ADAMTS12: variants seen among roughly 807,000 people sequenced by gnomAD.
The protein encoded by ADAMTS12 is ADAM metallopeptidase with thrombospondin type 1 motif 12.
ADAMTS12 carries 118 observed loss-of-function variants against 167.8 expected under a neutral mutation model. The observed-to-expected ratio is 0.70, with a 90% CI of 0.61 to 0.82. ADAMTS12 has a LOEUF of 0.82. Ranked by LOEUF, ADAMTS12 falls within the 40% of genes least tolerant of loss-of-function variation. The pLI is 0.00. For synonymous variants in ADAMTS12, 704 were observed against 716.9 expected, an observed-to-expected ratio of 0.98 and a Z score of 0.29; for missense variants, 1,916 against 1,998.8, an observed-to-expected ratio of 0.96 and a Z score of 0.79.
At chr5:33,575,940 T>C in intron 19 of ADAMTS12, 114 bp downstream of exon 19, 1 of 1,443,448 alleles carries the variant, frequency 6.9e-7, no homozygotes. Context: ...TGCTTCCTTT[T>C]GTTTTCACAA....
At chr5:33,753,427 G>A (rs764561559) in intron 2 of ADAMTS12, among the ~76,000 whole-genome samples, 4 of 152,148 alleles carry the variant, frequency 2.6e-5, no homozygotes, top group Admixed American at 1.3e-4. Flanking sequence ...ATTTGGTTCC[G>A]TTTCTCCTCT....
At chr5:33,595,117 TTTC>T (rs547475634) in intron 17 of ADAMTS12, among the ~76,000 whole-genome samples, 53 of 152,232 alleles carry the variant, frequency 3.5e-4, no homozygotes, top group African/African-American at 1.2e-3. Context: ...CCCTCCCTCT[TTTC>T]TTCTTCTCCT....
intron 2 of ADAMTS12, among the ~76,000 whole-genome samples, chr5:33,860,338 A>C (rs1289354627): frequency 6.6e-6 from 1 of 152,222 alleles, no homozygotes; most frequent in Non-Finnish European, 1.5e-5. Context: ...TGGAGCTGAA[A>C]AACACAGCAC....
rs150150131 is a variant in ADAMTS12, at chr5:33,749,775, C to T, written c.634+1629G>A. On this transcript the variant is annotated intron_variant, in intron 3 of 23. Coordinates refer to ENST00000504830, the MANE Select transcript of ADAMTS12 (RefSeq NM_030955.4). ...ATAGGGGGCCATGATAGTTGTAAAC[C>T]CCACTCTTTTCTTATCCATCCCTTC... Among the ~76,000 whole-genome samples, 700 of 152,182 alleles carry T rather than the reference C, an allele frequency of 4.6e-3. 6 individuals carry two copies. The highest frequency in any genetic ancestry group is 0.016 in the African/African-American group (658 of 41,512).
chr5:33,530,731 C>T (rs759256997), intron 23 of ADAMTS12, among the ~76,000 whole-genome samples: 11 of 152,172 alleles, frequency 7.2e-5, no homozygotes, highest in Admixed American at 3.3e-4. Context: ...ATTACACACT[C>T]GGGCACGGCA....
intron 2 of ADAMTS12, among the ~76,000 whole-genome samples, chr5:33,835,346 A>G (rs1234290197): frequency 6.6e-6 from 1 of 152,254 alleles, no homozygotes; most frequent in Non-Finnish European, 1.5e-5. Flanking sequence ...GCACCAGGTA[A>G]AGACTTGTTA....
rs551442190 is a variant in ADAMTS12 at position 33,748,458 on chromosome 5, C to A, written c.634+2946G>T. 6.4e-4 allele frequency among the ~76,000 whole-genome samples: 97 copies of A among 151,994 alleles called. 1 individual carries two copies. The highest frequency in any genetic ancestry group is 3.4e-3 in the Middle Eastern group (1 of 294). On this transcript the variant is annotated intron_variant, in intron 3 of 23. Transcript: ENST00000504830. Reference sequence around the variant, plus strand: ...AAAACATAGTTAAAATTGAGAAAATCAAAAACAAAATAGCATCACATTAAA... The same window carrying A: ...AAAACATAGTTAAAATTGAGAAAATAAAAAACAAAATAGCATCACATTAAA...
chr5:33,576,120 G>T lies in ADAMTS12; in HGVS notation c.3906C>A (p.Ala1302=), dbSNP rs374664813. ...CGTTTGTGAGCTGCTTGTAATTGGA[G>T]GCATTTAGCAAAAAGCCCTCAGTAA... The part of the protein sequence containing the change: ...SLITEGFLLN[A]SNYKQLTNGH... The change falls in exon 19 of 24, where the codon GCC becomes GCA. Residue 1302 remains alanine (A), a synonymous_variant. Transcript: ENST00000504830. 16 of 1,613,958 alleles carry T rather than the reference G, an allele frequency of 9.9e-6. No homozygotes were observed. Among genetic ancestry groups the T allele is most frequent in the Admixed American group, 1.7e-5 (1 of 59,988 alleles).
chr5:33,876,410 T>G (rs1750227854), intron 2 of ADAMTS12, among the ~76,000 whole-genome samples: 1 of 152,220 alleles, frequency 6.6e-6, no homozygotes. Flanking sequence ...GCTACAGTTA[T>G]GAAGACTGTG....
chr5:33,775,251 G>A, intron 2 of ADAMTS12, among the ~76,000 whole-genome samples: 1 of 152,106 alleles, frequency 6.6e-6, no homozygotes, highest in Non-Finnish European at 1.5e-5. Flanking sequence ...TTTTTGAAGA[G>A]TAATAATTAA....
At chr5:33,769,891 T>C (rs183602862) in intron 2 of ADAMTS12, among the ~76,000 whole-genome samples, 5 of 152,316 alleles carry the variant, frequency 3.3e-5, no homozygotes, top group Admixed American at 6.5e-5. Context: ...ATGGGTATTG[T>C]GAAGAGCAAA....
At position 33,576,090 on chromosome 5, in the gene ADAMTS12, G is replaced by T; in HGVS notation, c.3936C>A (p.His1312Gln). ...ASNYKQLTNG[H>Q]GSAHWIVGNW... ...TTCCGACGATCCAGTGTGCAGAGCC[G>T]TGGCCGTTTGTGAGCTGCTTGTAAT... The change falls in exon 19 of 24, where the codon CAC becomes CAA. Residue 1312 changes from histidine to glutamine, a missense_variant. His to Gln is a conservative substitution (Grantham distance 24, BLOSUM62 0). Coordinates refer to ENST00000504830, the MANE Select transcript of ADAMTS12 (RefSeq NM_030955.4). The T allele has an allele frequency of 6.2e-7, 1 of 1,614,114 alleles. No individual in the cohort carries two copies.
chr5:33,688,117 C>A (rs1742410709), intron 3 of ADAMTS12, among the ~76,000 whole-genome samples: 1 of 152,270 alleles, frequency 6.6e-6, no homozygotes, highest in East Asian at 1.9e-4. Context: ...CCATAACAGG[C>A]AAAAGTGGCA....
intron 2 of ADAMTS12, among the ~76,000 whole-genome samples, chr5:33,795,243 T>C (rs1411005561): frequency 6.6e-6 from 1 of 152,182 alleles, no homozygotes; most frequent in Admixed American, 6.5e-5. Flanking sequence ...GGCACTGCCC[T>C]ACCTGTAAAG....
At chr5:33,850,043 A>G (rs1749164415) in intron 2 of ADAMTS12, among the ~76,000 whole-genome samples, 1 of 152,124 alleles carries the variant, frequency 6.6e-6, no homozygotes, top group African/African-American at 2.4e-5. Context: ...TGCTAAACGT[A>G]TTATAAAACG....
chr5:33,863,776 G>T (rs184157522), intron 2 of ADAMTS12, among the ~76,000 whole-genome samples: 30 of 152,246 alleles, frequency 2.0e-4, no homozygotes, highest in Middle Eastern at 6.8e-3. Flanking sequence ...AACAAAGCTG[G>T]AAGCTTCACA....
chr5:33,589,154 T>C lies in ADAMTS12; in HGVS notation c.2655-345A>G, dbSNP rs532413091. Among the ~76,000 whole-genome samples the C allele has an allele frequency of 4.4e-4, 67 of 152,340 alleles. 2 individuals carry two copies. In the South Asian group the frequency reaches 0.011, roughly 25 times the overall value. ...CCTCGCTTTCTCATTATTCAATGGG[T>C]GTGAAAATATATTTTCTTTATATGA... On this transcript the variant is annotated intron_variant, in intron 17 of 23. Transcript: ENST00000504830.
intron 2 of ADAMTS12, among the ~76,000 whole-genome samples, chr5:33,871,195 A>C (rs1189057197): frequency 1.3e-5 from 2 of 152,230 alleles, no homozygotes; most frequent in Non-Finnish European, 1.5e-5. Flanking sequence ...TTAAGAATAT[A>C]AAGTTCATAA....
chr5:33,550,792 C>G (rs1345252147), intron 20 of ADAMTS12, among the ~76,000 whole-genome samples: 2 of 152,106 alleles, frequency 1.3e-5, no homozygotes, highest in East Asian at 3.9e-4. Context: ...AAAGCAGAGC[C>G]TGCCCTGCCC....
Sources: allele counts gnomAD v4.1 joint callset (sites outside exome capture counted in the v4.1 genomes callset), GRCh38; gene constraint gnomAD v4.1.1; transcripts MANE v1.5; gene names NCBI Gene and HGNC (gene_info 2026-07-23, HGNC 2026-07-21).